Variants in TTC7A observed in about 807,000 individuals in gnomAD.
The protein encoded by TTC7A is tetratricopeptide repeat domain 7A.
In TTC7A, 110 loss-of-function variants were observed where a neutral mutation model predicts 103.7. The observed-to-expected ratio is 1.06, with a 90% CI of 0.91 to 1.24. The LOEUF is 1.24. Ranked by LOEUF, TTC7A falls within the 50% of genes most tolerant of loss-of-function variation. The pLI is 0.00. For synonymous variants in TTC7A, 521 were observed against 467.9 expected, an observed-to-expected ratio of 1.11 and a Z score of -1.47; for missense variants, 1,340 against 1,116.3, an observed-to-expected ratio of 1.20 and a Z score of -2.86.
At chr2:46,987,678 A>G (rs1296493036) in intron 5 of TTC7A, among the ~76,000 whole-genome samples, 2 of 152,214 alleles carry the variant, frequency 1.3e-5, no homozygotes, top group Non-Finnish European at 2.9e-5. Flanking sequence ...TTTTGTTTTA[A>G]TTAGTAAAGC....
intron 2 of TTC7A, among the ~76,000 whole-genome samples, chr2:46,919,940 T>C (rs895210773): frequency 1.3e-5 from 2 of 152,224 alleles, no homozygotes; most frequent in African/African-American, 4.8e-5. Context: ...TGTATTTCTC[T>C]CTCCCTTATT....
At chr2:46,937,905 G>A (rs768900052), upstream of TTC7A, among the ~76,000 whole-genome samples, 3 of 152,184 alleles carry the variant, frequency 2.0e-5, no homozygotes, top group African/African-American at 7.2e-5. The surrounding 1 kb of genome is among the most constrained non-coding windows in gnomAD (Gnocchi z 4.0). Context: ...GCAGGTCATG[G>A]ACTGAAGAAA....
Position 46,941,817 on chromosome 2 carries a change from A to G in TTC7A, c.184+92A>G, listed in dbSNP as rs1670426972. On this transcript the variant is annotated intron_variant, in intron 1 of 19. Coordinates refer to ENST00000319190, the MANE Select transcript of TTC7A (RefSeq NM_020458.4). This position sits in a 1 kb window ranked among gnomAD's most constrained non-coding sequence, Gnocchi z 4.2. ...CGCGCCCAGACAGTCCTCGGCCGAC[A>G]GCGGGCGCCTGCCAGCCCACCGTGC... The G allele has an allele frequency of 6.7e-7, 1 of 1,491,052 alleles. No homozygotes were observed. The highest frequency in any genetic ancestry group is 9.1e-7 in the Non-Finnish European group (1 of 1,103,562). 92.4% of individuals were successfully genotyped at this position (1,491,052 alleles called of 1,614,324 possible). A position where few individuals can be genotyped will look rare whatever the true frequency, so the allele number is the denominator to read the frequency against.
chr2:46,952,611 G>A (rs1485613101), intron 2 of TTC7A, among the ~76,000 whole-genome samples: 1 of 152,128 alleles, frequency 6.6e-6, no homozygotes, highest in Non-Finnish European at 1.5e-5. Context: ...AATTAGCTAG[G>A]CGTGGTGGCT....
chr2:47,023,559 C>A, intron 13 of TTC7A, 94 bp downstream of exon 13: 2 of 1,298,820 alleles, frequency 1.5e-6, no homozygotes, highest in Non-Finnish European at 2.2e-6. Context: ...GTGGGCAGAA[C>A]AAACATTTCT....
chr2:46,966,177 G>T (rs536568055), intron 3 of TTC7A, among the ~76,000 whole-genome samples: 1 of 152,098 alleles, frequency 6.6e-6, no homozygotes, highest in Non-Finnish European at 1.5e-5. Flanking sequence ...TTGAACTCTC[G>T]ACCTCAGATG....
intron 19 of TTC7A, among the ~76,000 whole-genome samples, chr2:47,073,163 C>T (rs555724050): frequency 6.6e-6 from 1 of 152,286 alleles, no homozygotes; most frequent in Admixed American, 6.5e-5. Flanking sequence ...GTGGTGAAGG[C>T]CTGTAATGCG....
At chr2:47,009,931 G>A (rs1241692480) in intron 10 of TTC7A, among the ~76,000 whole-genome samples, 7 of 149,356 alleles carry the variant, frequency 4.7e-5, no homozygotes, top group Admixed American at 4.0e-4. Context: ...GGGAGGGGGC[G>A]CGCAGGGAAA....
intron 5 of TTC7A, among the ~76,000 whole-genome samples, chr2:46,982,100 C>T (rs1204310240): frequency 1.3e-5 from 2 of 152,208 alleles, no homozygotes; most frequent in African/African-American, 2.4e-5. Context: ...GAGCTGGGAG[C>T]AGTGGCTCAC....
chr2:46,923,311 C>CA (rs1558474000), intron 2 of TTC7A, among the ~76,000 whole-genome samples: 1 of 152,216 alleles, frequency 6.6e-6, no homozygotes, highest in African/African-American at 2.4e-5. Context: ...CTAAGAGTCC[C>CA]AACCTTCTAA....
chr2:47,055,146 C>T (rs1004700785), intron 18 of TTC7A, among the ~76,000 whole-genome samples: 1 of 152,054 alleles, frequency 6.6e-6, no homozygotes, highest in Non-Finnish European at 1.5e-5. Flanking sequence ...CAATCAGCAT[C>T]CCCCCGCCAA....
chr2:47,069,279 C>G (rs900620209), intron 19 of TTC7A, among the ~76,000 whole-genome samples: 1 of 152,168 alleles, frequency 6.6e-6, no homozygotes, highest in African/African-American at 2.4e-5. Context: ...GGATGTGACC[C>G]ATCGGGCCCC....
chr2:46,934,787 C>CTTTTCTTTTTT (rs1669883537), intron 2 of TTC7A, among the ~76,000 whole-genome samples: 1 of 66,888 alleles, frequency 1.5e-5, no homozygotes, highest in African/African-American at 6.5e-5. Context: ...GACTACTGCT[C>CTTTTCTTTTTT]TTTTTTTTTT....
At chr2:46,931,406 A>G (rs907198486) in intron 2 of TTC7A, among the ~76,000 whole-genome samples, 3 of 152,246 alleles carry the variant, frequency 2.0e-5, no homozygotes, top group Admixed American at 6.5e-5. Context: ...TTTACATGCA[A>G]AAAGGACTTT....
At chr2:46,990,910 G>A (rs568034985) in intron 5 of TTC7A, among the ~76,000 whole-genome samples, 29 of 152,088 alleles carry the variant, frequency 1.9e-4, no homozygotes, top group African/African-American at 7.0e-4. Context: ...CACCCCAGGG[G>A]TTGGTTGGTT....
At chr2:47,072,780 C>CA (rs1466229634) in intron 19 of TTC7A, among the ~76,000 whole-genome samples, 4 of 146,074 alleles carry the variant, frequency 2.7e-5, no homozygotes, top group Admixed American at 6.9e-5. Context: ...CGGCATGAAG[C>CA]AACCTTTGTG....
intron 5 of TTC7A, among the ~76,000 whole-genome samples, chr2:46,990,237 C>T (rs188146097): frequency 4.3e-4 from 65 of 152,344 alleles, no homozygotes; most frequent in Middle Eastern, 3.4e-3. Flanking sequence ...CTGTCTTTTT[C>T]CTGTCTTCTG....
rs1332051582 is a variant in TTC7A, at chr2:47,051,766, A to G, written c.2038A>G (p.Ile680Val). The G allele has an allele frequency of 1.9e-6, 3 of 1,610,528 alleles. No individual in the cohort carries two copies. The highest frequency in any genetic ancestry group is 2.5e-6 in the Non-Finnish European group (3 of 1,179,426). ...ADSGSRRASS[I>V]AASRLEEAMS... Reference sequence around the variant, plus strand: ...TGCAGGCTCCCGGCGGGCTTCGTCCATCGCCGCCTCCCGGCTGGAGGAGGC... The same window carrying G: ...TGCAGGCTCCCGGCGGGCTTCGTCCGTCGCCGCCTCCCGGCTGGAGGAGGC... The change falls in exon 18 of 20, where the codon ATC (isoleucine) becomes GTC (valine). Residue 680 changes from isoleucine to valine, a missense_variant. Ile to Val is a conservative substitution (Grantham distance 29). Coordinates refer to ENST00000319190, the MANE Select transcript of TTC7A (RefSeq NM_020458.4).
chr2:47,030,928 C>G (rs1165848093), intron 15 of TTC7A, among the ~76,000 whole-genome samples: 1 of 152,196 alleles, frequency 6.6e-6, no homozygotes, highest in African/African-American at 2.4e-5. Context: ...GGTGGATCAC[C>G]TGAGGTCAGG....
Sources: allele counts gnomAD v4.1 joint callset (sites outside exome capture counted in the v4.1 genomes callset), GRCh38; gene constraint gnomAD v4.1.1; non-coding constraint Gnocchi (gnomAD v3.1); transcripts MANE v1.5; gene names NCBI Gene and HGNC (gene_info 2026-07-23, HGNC 2026-07-21).